GPC6: variants seen among roughly 807,000 people sequenced by gnomAD.
GPC6 encodes the protein glypican 6.
GPC6 carries 14 observed loss-of-function variants against 55.2 expected under a neutral mutation model. The observed-to-expected ratio is 0.25, with a 90% CI of 0.17 to 0.40. GPC6 has a LOEUF of 0.40. Among genes scored for constraint, GPC6 ranks in the 10% least tolerant of loss-of-function variants. The pLI is 1.00. For missense variants in GPC6, 641 were observed against 708.5 expected (o/e 0.90, Z 1.08); for synonymous variants, 278 against 259.6 (o/e 1.07, Z -0.68).
At chr13:93,245,610 ACTTTGAGT>A (rs1876571404) in intron 1 of GPC6, among the ~76,000 whole-genome samples, 2 of 152,188 alleles carry the variant, frequency 1.3e-5, no homozygotes, top group South Asian at 4.1e-4. Flanking sequence ...CAGGTATCAT[ACTTTGAGT>A]CTCTGGGGCT....
intron 1 of GPC6, among the ~76,000 whole-genome samples, chr13:93,294,589 A>C (rs1878422169): frequency 6.6e-6 from 1 of 152,204 alleles, no homozygotes; most frequent in Non-Finnish European, 1.5e-5. Flanking sequence ...GTACACCAAG[A>C]AAACAAAGAG....
At chr13:93,865,325 G>A (rs1888928739) in intron 3 of GPC6, among the ~76,000 whole-genome samples, 1 of 151,656 alleles carries the variant, frequency 6.6e-6, no homozygotes, top group Admixed American at 6.6e-5. Context: ...TAAATGTCTG[G>A]CCTACTTCAA....
rs553463014 is a variant in GPC6, at chr13:94,172,992, G to C, written c.878-113357G>C. Among the ~76,000 whole-genome samples the C allele has an allele frequency of 2.6e-5, 4 of 152,328 alleles. No individual in the cohort carries two copies. The East Asian group carries it at 7.7e-4, about 29-fold the overall frequency. On this transcript the variant is annotated intron_variant, in intron 4 of 8. Coordinates refer to ENST00000377047, the MANE Select transcript of GPC6 (RefSeq NM_005708.5). Reference sequence around the variant, plus strand: ...GTTGAGAAGGACTTGACCTTGGTTAGAGGATAAGCTCTCATTAGCCAACAA... The same window carrying C: ...GTTGAGAAGGACTTGACCTTGGTTACAGGATAAGCTCTCATTAGCCAACAA...
chr13:93,219,701 T>C, the GPC6 span, among the ~76,000 whole-genome samples: 1 of 152,214 alleles, frequency 6.6e-6, no homozygotes, highest in South Asian at 2.1e-4. Context: ...GTATGCTATT[T>C]AATTTTAGAA....
chr13:94,236,357 C>G (rs974517908), intron 4 of GPC6, among the ~76,000 whole-genome samples: 1 of 152,208 alleles, frequency 6.6e-6, no homozygotes, highest in East Asian at 1.9e-4. Flanking sequence ...ATTTCCTCTG[C>G]AAGTATTTTA....
intron 2 of GPC6, among the ~76,000 whole-genome samples, chr13:93,787,194 A>G (rs956467825): frequency 1.3e-5 from 2 of 152,222 alleles, no homozygotes; most frequent in African/African-American, 2.4e-5. Context: ...TAAACCATGA[A>G]CAATGTCATG....
intron 2 of GPC6, among the ~76,000 whole-genome samples, chr13:93,817,863 A>C (rs1886908861): frequency 8.6e-6 from 1 of 116,868 alleles, no homozygotes; most frequent in South Asian, 2.7e-4. Context: ...GTTTCAAAAA[A>C]TAATGTATAG....
rs143445751 is a variant in GPC6, at chr13:93,758,983, G to A, written c.320-71171G>A. Reference sequence around the variant, plus strand: ...TTAAGTTCTAACCTACAGTTTTTCCGTTCTCTTTTTGCATTTTCTTTCTCT... The same window carrying A: ...TTAAGTTCTAACCTACAGTTTTTCCATTCTCTTTTTGCATTTTCTTTCTCT... On this transcript the variant is annotated intron_variant, in intron 2 of 8. Transcript: ENST00000377047. 5.9e-4 allele frequency among the ~76,000 whole-genome samples: 90 copies of A among 151,956 alleles called. No homozygotes were observed. In the East Asian group the frequency reaches 0.014, roughly 23 times the overall value.
chr13:93,450,984 A>G (rs1258128776), intron 1 of GPC6, among the ~76,000 whole-genome samples: 1 of 152,196 alleles, frequency 6.6e-6, no homozygotes, highest in African/African-American at 2.4e-5. Flanking sequence ...TCTAAGCTTG[A>G]AGGGATGGTG....
intron 4 of GPC6, among the ~76,000 whole-genome samples, chr13:94,225,668 C>CATATATATATATATATATATATAT (rs1355465459): frequency 1.7e-3 from 164 of 97,484 alleles, no homozygotes; most frequent in African/African-American, 5.6e-3. Flanking sequence ...GTAAAGTATA[C>CATATATATATATATATATATATAT]ACATATATAT....
At chr13:93,564,289 G>A (rs1275779495) in intron 2 of GPC6, among the ~76,000 whole-genome samples, 2 of 151,830 alleles carry the variant, frequency 1.3e-5, no homozygotes, top group African/African-American at 2.4e-5. Context: ...CTCAAACCTT[G>A]CTTTAAATGT....
chr13:94,115,290 T>A (rs1250646812), intron 4 of GPC6, among the ~76,000 whole-genome samples: 2 of 152,034 alleles, frequency 1.3e-5, no homozygotes, highest in African/African-American at 4.8e-5. Context: ...ACCTAAAGGT[T>A]TTGTAAAGAT....
At chr13:93,522,641 C>T (rs1395892386) in intron 1 of GPC6, among the ~76,000 whole-genome samples, 1 of 151,720 alleles carries the variant, frequency 6.6e-6, no homozygotes, top group African/African-American at 2.4e-5. Context: ...GATCATGCTT[C>T]AGAGGAGATG....
At chr13:94,110,427 G>GGGT (rs1282140904) in intron 4 of GPC6, among the ~76,000 whole-genome samples, 1 of 152,062 alleles carries the variant, frequency 6.6e-6, no homozygotes, top group Non-Finnish European at 1.5e-5. Context: ...GTAGAGTAGA[G>GGGT]GGTGGAGGAC....
chr13:93,932,478 TTTACAAGTA>T (rs1878227118), intron 3 of GPC6, among the ~76,000 whole-genome samples: 1 of 152,212 alleles, frequency 6.6e-6, no homozygotes, highest in Admixed American at 6.5e-5. Flanking sequence ...GCATTACTTT[TTTACAAGTA>T]TTTTTCTACC....
the GPC6 span, among the ~76,000 whole-genome samples, chr13:93,218,684 A>G: frequency 1.3e-5 from 2 of 152,220 alleles, no homozygotes; most frequent in African/African-American, 4.8e-5. Context: ...GACAAAGAAT[A>G]TGCCACAGGT....
chr13:94,227,570 G>A (rs536123467), intron 4 of GPC6, among the ~76,000 whole-genome samples: 79 of 152,260 alleles, frequency 5.2e-4, no homozygotes, highest in African/African-American at 1.8e-3. Flanking sequence ...TACTGTAACA[G>A]CCATGAGATG....
rs560380334 is a variant in GPC6, at chr13:93,961,373, T to C, written c.712-66356T>C. On this transcript the variant is annotated intron_variant, in intron 3 of 8. Transcript: ENST00000377047. ...TTGCATTTACCTCCAGCCAGGTGTT[T>C]GGAAAGTAAATAATGCGAAGCAGTG... is the stretch of plus-strand genomic sequence containing the variant. 2.0e-5 allele frequency among the ~76,000 whole-genome samples: 3 copies of C among 152,336 alleles called. No individual in the cohort carries two copies. In the East Asian group the frequency reaches 5.8e-4, roughly 29 times the overall value.
At chr13:94,083,275 C>T (rs920305882) in intron 4 of GPC6, among the ~76,000 whole-genome samples, 3 of 152,060 alleles carry the variant, frequency 2.0e-5, no homozygotes, top group African/African-American at 4.8e-5. Flanking sequence ...CCCGCCACCA[C>T]ACCCGTCTAA....
Sources: gnomAD v4.1 joint callset for allele counts (sites outside exome capture counted in the v4.1 genomes callset) on GRCh38, gnomAD v4.1.1 for gene constraint, MANE v1.5 for transcripts, NCBI Gene and HGNC (gene_info 2026-07-23, HGNC 2026-07-21) for gene names.